ANO1: variants seen among roughly 807,000 people sequenced by gnomAD.
ANO1 encodes the protein anoctamin-1.
A neutral mutation model predicts 124.0 loss-of-function variants in ANO1; 59 were observed. The ratio of observed to expected loss-of-function variants is 0.48; its 90% CI spans 0.39 to 0.59. The LOEUF is 0.59. Ranked by LOEUF, ANO1 falls within the 20% of genes least tolerant of loss-of-function variation. The pLI is 0.00. For missense variants in ANO1, 1,059 were observed against 1,328.0 expected (o/e 0.80, Z 3.15); for synonymous variants, 529 against 532.0 (o/e 0.99, Z 0.08).
At chr11:70,184,758 CTT>C (rs1167103243) in intron 24 of ANO1, among the ~76,000 whole-genome samples, 1 of 152,076 alleles carries the variant, frequency 6.6e-6, no homozygotes, top group Non-Finnish European at 1.5e-5. Flanking sequence ...GTTTGGTTTG[CTT>C]TTTTTAGAGA....
upstream of ANO1, among the ~76,000 whole-genome samples, chr11:69,983,201 G>A (rs1268639904): frequency 6.6e-6 from 1 of 151,926 alleles, no homozygotes; most frequent in Non-Finnish European, 1.5e-5. Context: ...TCATGCTCCG[G>A]CTTGGGGTAG....
At chr11:70,013,983 C>G (rs992956140) in intron 1 of ANO1, among the ~76,000 whole-genome samples, 1 of 143,774 alleles carries the variant, frequency 7.0e-6, no homozygotes, top group Non-Finnish European at 1.5e-5. Context: ...TTCACTTGGC[C>G]TCTTCTCTGT....
At chr11:70,058,863 G>A (rs1448400097) in intron 1 of ANO1, among the ~76,000 whole-genome samples, 2 of 152,000 alleles carry the variant, frequency 1.3e-5, no homozygotes, top group African/African-American at 2.4e-5. Context: ...CCTGAGAGAC[G>A]GCTTGGGTGA....
At chr11:70,133,237 C>G (rs2135531830) in intron 11 of ANO1, among the ~76,000 whole-genome samples, 1 of 152,296 alleles carries the variant, frequency 6.6e-6, no homozygotes, top group East Asian at 1.9e-4. Flanking sequence ...TTGCGGGGCT[C>G]TGTGTGGCCC....
intron 1 of ANO1, among the ~76,000 whole-genome samples, chr11:70,038,142 T>C (rs1211419016): frequency 1.3e-5 from 2 of 152,202 alleles, no homozygotes; most frequent in African/African-American, 2.4e-5. Context: ...GCTCTATGCA[T>C]ATCTATATAT....
Position 70,188,202 on chromosome 11 carries a change from C to A in ANO1, c.*198C>A. 1.5e-6 allele frequency: 1 copy of A among 667,866 alleles called. No homozygotes were observed. Among genetic ancestry groups the A allele is most frequent in the Non-Finnish European group, 2.5e-6 (1 of 401,562 alleles). The allele number at this position is 667,866 out of a possible 1,614,324, so 41.4% of individuals were successfully genotyped here. On this transcript the variant is annotated 3_prime_UTR_variant, in exon 26 of 26. Coordinates refer to ENST00000355303, the MANE Select transcript of ANO1 (RefSeq NM_018043.7). ...CTTGTTTTTGCACAAAGCCATTATG[C>A]AGGGAATATTTTTTAATCTGTAGTA...
chr11:70,140,782 G>C (rs984091156), intron 11 of ANO1, among the ~76,000 whole-genome samples: 1 of 152,158 alleles, frequency 6.6e-6, no homozygotes, highest in Admixed American at 6.5e-5. Flanking sequence ...GCGAAATTAG[G>C]AATGCTTTTG....
At chr11:70,019,683 T>C (rs1555002435) in intron 1 of ANO1, among the ~76,000 whole-genome samples, 1 of 152,208 alleles carries the variant, frequency 6.6e-6, no homozygotes, top group African/African-American at 2.4e-5. Flanking sequence ...TGTGTTTTCT[T>C]TCCAAGGGCC....
rs559697353 is a variant in ANO1 at position 70,136,891 on chromosome 11, G to A, written c.1258+4812G>A. 5.4e-5 allele frequency among the ~76,000 whole-genome samples: 8 copies of A among 147,768 alleles called. No individual in the cohort carries two copies. In the South Asian group the frequency reaches 1.9e-3, roughly 34 times the overall value. The stretch of plus-strand genomic sequence containing the variant: ...GGCCAAGAATGGGAGCCGTGGGTCC[G>A]TAGCTTGGTGTAGGGCGTGAGTTCC... On this transcript the variant is annotated intron_variant, in intron 11 of 25. Transcript: ENST00000355303.
chr11:70,033,107 A>G (rs1857032988), intron 1 of ANO1, among the ~76,000 whole-genome samples: 2 of 152,260 alleles, frequency 1.3e-5, no homozygotes, highest in African/African-American at 4.8e-5. Flanking sequence ...CCAGGGAAAG[A>G]CAAGAGCTCG....
intron 15 of ANO1, 79 bp downstream of exon 15, chr11:70,156,067 A>C: frequency 7.8e-7 from 1 of 1,284,688 alleles, no homozygotes; most frequent in Non-Finnish European, 1.0e-6. Context: ...TCCTCAACAA[A>C]CTGTTGTATA....
chr11:70,078,812 G>A (rs1298925668), intron 1 of ANO1, 98 bp downstream of exon 1: 1 of 685,312 alleles, frequency 1.5e-6, no homozygotes, highest in East Asian at 6.1e-5. Context: ...GGGACCCCAG[G>A]GCGGGGGCCG....
At chr11:70,068,035 C>A (rs962940700) in intron 1 of ANO1, among the ~76,000 whole-genome samples, 1 of 152,194 alleles carries the variant, frequency 6.6e-6, no homozygotes, top group Admixed American at 6.5e-5. Flanking sequence ...GGAGGGGACA[C>A]GCTCCTGCCA....
At chr11:70,110,344 G>A (rs1488796285) in intron 6 of ANO1, among the ~76,000 whole-genome samples, 20 of 152,040 alleles carry the variant, frequency 1.3e-4, no homozygotes, top group Middle Eastern at 3.4e-3. Flanking sequence ...CCGCCACCAC[G>A]CCTGGCTAAT....
At chr11:70,012,411 C>T (rs1197255552) in intron 1 of ANO1, among the ~76,000 whole-genome samples, 1 of 151,146 alleles carries the variant, frequency 6.6e-6, no homozygotes, top group African/African-American at 2.4e-5. Flanking sequence ...TTCATCCATC[C>T]ATCCACCCAT....
intron 11 of ANO1, among the ~76,000 whole-genome samples, chr11:70,132,941 G>GGA (rs2046820310): frequency 1.0e-5 from 1 of 98,580 alleles, no homozygotes; most frequent in Non-Finnish European, 2.4e-5. Flanking sequence ...CAGCGCTGGA[G>GGA]GGAGTTCAGG....
chr11:69,997,698 T>A (rs1482761810), intron 1 of ANO1, among the ~76,000 whole-genome samples: 8 of 152,216 alleles, frequency 5.3e-5, no homozygotes, highest in African/African-American at 1.9e-4. Flanking sequence ...TTCTCATGAA[T>A]GGTTTGGCAA....
At chr11:70,084,182 G>T (rs2044288707) in intron 1 of ANO1, among the ~76,000 whole-genome samples, 1 of 152,116 alleles carries the variant, frequency 6.6e-6, no homozygotes, top group Admixed American at 6.5e-5. Flanking sequence ...GACCCCTCGA[G>T]ACCCTGCATT....
upstream of ANO1, among the ~76,000 whole-genome samples, chr11:69,983,106 G>T (rs140236637): frequency 2.9e-3 from 447 of 152,198 alleles, 2 homozygotes; most frequent in African/African-American, 0.01. Flanking sequence ...CAGCATTGGG[G>T]AGCAGAGGAG....
Sources: allele counts gnomAD v4.1 joint callset (sites outside exome capture counted in the v4.1 genomes callset), GRCh38; gene constraint gnomAD v4.1.1; transcripts MANE v1.5; gene names NCBI Gene and HGNC (gene_info 2026-07-23, HGNC 2026-07-21).